The following OR2C1 variants were observed in gnomAD, a reference collection of about 807,000 sequenced individuals.
OR2C1 encodes olfactory receptor 2C1.
For missense variants in OR2C1, 468 were observed against 388.3 expected (o/e 1.21, Z -1.73); for synonymous variants, 209 against 167.3 (o/e 1.25, Z -1.92).
chr16:3,342,485 A>G, the OR2C1 span, among the ~76,000 whole-genome samples: 8 of 152,156 alleles, frequency 5.3e-5, no homozygotes, highest in East Asian at 5.8e-4. Flanking sequence ...TGGGAGGCCA[A>G]TGTGGGTGGA....
At chr16:3,347,368 C>G in the OR2C1 span, among the ~76,000 whole-genome samples, 1 of 151,808 alleles carries the variant, frequency 6.6e-6, no homozygotes, top group African/African-American at 2.4e-5. Flanking sequence ...GCACTCCAGC[C>G]TAGGTGATAG....
At chr16:3,350,947 G>A (rs576725911), upstream of OR2C1, among the ~76,000 whole-genome samples, 3 of 150,336 alleles carry the variant, frequency 2.0e-5, no homozygotes, top group South Asian at 4.2e-4. Flanking sequence ...AGGCTGAGGC[G>A]GGAGGATTGC....
Position 3,355,957 on chromosome 16 carries a change from A to G in OR2C1, c.17A>G (p.Asp6Gly). The G allele has an allele frequency of 6.2e-7, 1 of 1,610,316 alleles. No individual in the cohort carries two copies. Residue 6 changes from aspartate (D) to glycine (G), a missense_variant, in exon 1 of 1, where the codon GAT (aspartate) becomes GGT (glycine). Asp to Gly is a moderately conservative substitution (Grantham distance 94). Coordinates refer to ENST00000304936, the MANE Select transcript of OR2C1 (RefSeq NM_012368.3). MDGVN[D>G]SSLQGFVLMG... ...CAACCAGTGATGGACGGGGTGAATG[A>G]TAGCTCCTTGCAGGGCTTTGTTCTG...
chr16:3,326,062 C>T, the OR2C1 span, among the ~76,000 whole-genome samples: 26 of 151,892 alleles, frequency 1.7e-4, no homozygotes, highest in Admixed American at 9.2e-4. Flanking sequence ...TCCTGAGTAG[C>T]TGGGATTACA....
At position 3,356,204 on chromosome 16, in the gene OR2C1, A is replaced by G. The variant is rs757252460; in HGVS notation, c.264A>G (p.Pro88=). 6.2e-7 allele frequency: 1 copy of G among 1,614,222 alleles called. No individual in the cohort carries two copies. The highest frequency in any genetic ancestry group is 1.1e-5 in the South Asian group (1 of 91,082). Reference sequence around the variant, plus strand: ...AAATGCTGATCAATTTATGGGGACCAGGCAAGACCATCAGCTATGGTGGCT... The same window carrying G: ...AAATGCTGATCAATTTATGGGGACCGGGCAAGACCATCAGCTATGGTGGCT... ...VPQMLINLWG[P]GKTISYGGCI... is the part of the protein sequence containing the mutation. Residue 88 remains proline (P), a synonymous_variant, in exon 1 of 1, where the codon CCA becomes CCG. Coordinates refer to ENST00000304936, the MANE Select transcript of OR2C1 (RefSeq NM_012368.3).
At chr16:3,328,683 C>T in the OR2C1 span, among the ~76,000 whole-genome samples, 4 of 152,122 alleles carry the variant, frequency 2.6e-5, no homozygotes, top group South Asian at 2.1e-4. Flanking sequence ...TCTCCTTATC[C>T]CAACAACTCT....
chr16:3,343,347 G>T, the OR2C1 span, among the ~76,000 whole-genome samples: 1 of 152,140 alleles, frequency 6.6e-6, no homozygotes, highest in Non-Finnish European at 1.5e-5. Context: ...CGATCCTTTT[G>T]CCTCCCAAAG....
chr16:3,323,325 T>A, the OR2C1 span: 1 of 1,100,706 alleles, frequency 9.1e-7, no homozygotes, highest in Non-Finnish European at 1.4e-6. Flanking sequence ...CCATGAGATC[T>A]CCTGGAAATG....
chr16:3,349,117 C>T, the OR2C1 span, among the ~76,000 whole-genome samples: 7 of 152,114 alleles, frequency 4.6e-5, no homozygotes, highest in Non-Finnish European at 1.0e-4. Flanking sequence ...TTCCACCACC[C>T]CCCTCCCCCA....
chr16:3,351,197 GTCTTTTTTCTTTTTTTCTTTTTCTTTTT>G (rs796477543), upstream of OR2C1, among the ~76,000 whole-genome samples: 7 of 55,430 alleles, frequency 1.3e-4, no homozygotes, highest in Admixed American at 2.1e-4. Context: ...CTGAATTTAA[GTCTTTTTTCTTTTTTTCTTTTTCTTTTT>G]CTTTTTTTTT....
the OR2C1 span, among the ~76,000 whole-genome samples, chr16:3,349,750 T>C: frequency 6.6e-6 from 1 of 151,712 alleles, no homozygotes; most frequent in South Asian, 2.1e-4. Flanking sequence ...GGCACTGATT[T>C]TGGGGGCCAG....
chr16:3,345,524 G>A, the OR2C1 span, among the ~76,000 whole-genome samples: 1 of 151,496 alleles, frequency 6.6e-6, no homozygotes, highest in Non-Finnish European at 1.5e-5. Flanking sequence ...AAGAGGTATG[G>A]CACTATATGT....
At chr16:3,330,964 T>A in the OR2C1 span, among the ~76,000 whole-genome samples, 3 of 152,326 alleles carry the variant, frequency 2.0e-5, no homozygotes, top group Admixed American at 2.0e-4. Context: ...ATAGCCACAC[T>A]GACTTCCACA....
chr16:3,351,887 C>CTTTTTTTTTTTTTTT (rs35692577), upstream of OR2C1, among the ~76,000 whole-genome samples: 3 of 124,584 alleles, frequency 2.4e-5, no homozygotes, highest in African/African-American at 5.8e-5. Context: ...AGCATTTAGT[C>CTTTTTTTTTTTTTTT]TTTTTTTTTT....
chr16:3,350,658 G>T, the OR2C1 span, among the ~76,000 whole-genome samples: 2 of 151,504 alleles, frequency 1.3e-5, no homozygotes, highest in South Asian at 4.2e-4. Context: ...TGATCCTCCC[G>T]CCTCGGCCTC....
the OR2C1 span, among the ~76,000 whole-genome samples, chr16:3,332,940 T>A: frequency 6.6e-6 from 1 of 152,094 alleles, no homozygotes; most frequent in African/African-American, 2.4e-5. Flanking sequence ...TTTAGTTTTT[T>A]TGAGGAACTT....
the OR2C1 span, among the ~76,000 whole-genome samples, chr16:3,330,646 A>G: frequency 6.6e-6 from 1 of 152,202 alleles, no homozygotes; most frequent in Non-Finnish European, 1.5e-5. Flanking sequence ...CATTCATATA[A>G]TGTGTAAACA....
chr16:3,345,370 C>T, the OR2C1 span, among the ~76,000 whole-genome samples: 1 of 151,822 alleles, frequency 6.6e-6, no homozygotes, highest in South Asian at 2.1e-4. Flanking sequence ...CCTGTAGTCC[C>T]AGCTACTCGG....
chr16:3,324,968 TTTGTA>T, the OR2C1 span, among the ~76,000 whole-genome samples: 270 of 152,154 alleles, frequency 1.8e-3, 2 homozygotes, highest in African/African-American at 5.4e-3. Context: ...ATTTTTCAGT[TTTGTA>T]TTGTATTGTA....
Sources: allele counts gnomAD v4.1 joint callset (sites outside exome capture counted in the v4.1 genomes callset), GRCh38; gene constraint gnomAD v4.1.1; transcripts MANE v1.5; gene names NCBI Gene and HGNC (gene_info 2026-07-23, HGNC 2026-07-21).